The following EHMT1 variants were observed in gnomAD, a reference collection of about 807,000 sequenced individuals.
EHMT1 encodes the protein euchromatic histone lysine methyltransferase 1, also known as histone-lysine N-methyltransferase EHMT1.
Under a neutral mutation model 147.2 loss-of-function variants are expected in EHMT1, and 15 were observed. The observed-to-expected ratio is 0.10, with a 90% CI of 0.07 to 0.16. The LOEUF (loss-of-function observed/expected upper bound fraction) is 0.16. Ranked by LOEUF, EHMT1 falls within the 10% of genes least tolerant of loss-of-function variation. The pLI, the probability that EHMT1 is intolerant of heterozygous loss-of-function variation, is 1.00. For missense variants in EHMT1, 1,587 were observed against 1,772.4 expected (o/e 0.90, Z 1.88); for synonymous variants, 795 against 709.6 (o/e 1.12, Z -1.91).
Position 137,786,060 on chromosome 9 carries a change from C to G in EHMT1, c.2382+3663C>G, listed in dbSNP as rs1325491017. The G allele has an allele frequency of 6.6e-6, 1 of 152,466 alleles. No individual in the cohort carries two copies. The highest frequency in any genetic ancestry group is 1.9e-4 in the East Asian group (1 of 5,206). 9.4% of individuals were successfully genotyped at this position (152,466 alleles called of 1,614,324 possible). A position where few individuals can be genotyped will look rare whatever the true frequency, so the allele number is the denominator to read the frequency against. On this transcript the variant is annotated intron_variant, in intron 15 of 26. Coordinates refer to ENST00000460843, the MANE Select transcript of EHMT1 (RefSeq NM_024757.5). The surrounding 1 kb of genome is among the most constrained non-coding windows in gnomAD (Gnocchi z 4.3). ...GGGCTCCCTGCTGACTGCCTGTGCT[C>G]TGTGCTTGTCTGAAACGTCGTCTTT... is the stretch of plus-strand genomic sequence containing the variant.
chr9:137,635,105 G>A (rs1340975310), intron 1 of EHMT1, among the ~76,000 whole-genome samples: 1 of 151,844 alleles, frequency 6.6e-6, no homozygotes, highest in Non-Finnish European at 1.5e-5. Context: ...GGATTGTGTT[G>A]AATATGTAGA....
chr9:137,694,107 T>C (rs1943179670), intron 1 of EHMT1, among the ~76,000 whole-genome samples: 1 of 62,828 alleles, frequency 1.6e-5, no homozygotes, highest in Non-Finnish European at 2.9e-5. Flanking sequence ...CTCAGGACGC[T>C]GGCCGATACC....
At chr9:137,762,983 A>G (rs1949949603) in intron 10 of EHMT1, 163 bp downstream of exon 10, 3 of 854,726 alleles carry the variant, frequency 3.5e-6, no homozygotes, top group Non-Finnish European at 5.7e-6. Context: ...CAACAGTGAA[A>G]TCACGGCAGA....
intron 1 of EHMT1, among the ~76,000 whole-genome samples, chr9:137,698,980 G>A (rs1056198249): frequency 6.6e-6 from 1 of 152,122 alleles, no homozygotes; most frequent in African/African-American, 2.4e-5. Context: ...TGATGGGGCA[G>A]GAGGCCACGC....
chr9:137,719,220 T>C (rs1337873323), intron 3 of EHMT1, among the ~76,000 whole-genome samples: 1 of 152,184 alleles, frequency 6.6e-6, no homozygotes, highest in Non-Finnish European at 1.5e-5. Flanking sequence ...CTCTCAGATT[T>C]AGCTTTTTCC....
intron 18 of EHMT1, among the ~76,000 whole-genome samples, chr9:137,807,794 C>T (rs1424291260): frequency 6.6e-6 from 1 of 152,212 alleles, no homozygotes; most frequent in Non-Finnish European, 1.5e-5. Context: ...AAGTGTGAGC[C>T]ACCTCACCCA....
intron 25 of EHMT1, among the ~76,000 whole-genome samples, chr9:137,831,995 C>T (rs563558085): frequency 3.8e-4 from 57 of 151,166 alleles, no homozygotes; most frequent in African/African-American, 1.2e-3. Flanking sequence ...GCTCCCTCCA[C>T]AGGCTCCGCC....
chr9:137,776,455 CCTT>C lies in EHMT1; in HGVS notation c.1792-159_1792-157del, dbSNP rs1463248189. On this transcript the variant is annotated intron_variant, in intron 11 of 26. Coordinates refer to ENST00000460843, the MANE Select transcript of EHMT1 (RefSeq NM_024757.5). The surrounding 1 kb of genome is among the most constrained non-coding windows in gnomAD (Gnocchi z 4.4). ...GAGCACCACGGGAAGCATCGTTCCT[CCTT>C]CTTAACGATGCCTGGGGCCAAGACT... The C allele has an allele frequency of 4.5e-6, 3 of 662,178 alleles. No homozygotes were observed. Among genetic ancestry groups the C allele is most frequent in the East Asian group, 2.8e-5 (1 of 35,478 alleles). 41.0% of individuals were successfully genotyped at this position (662,178 alleles called of 1,614,324 possible).
intron 1 of EHMT1, among the ~76,000 whole-genome samples, chr9:137,656,846 T>G (rs1030508916): frequency 1.1e-4 from 16 of 152,178 alleles, no homozygotes; most frequent in African/African-American, 3.6e-4. Context: ...GTTCAAGCGA[T>G]TCTCCTGCCT....
intron 1 of EHMT1, among the ~76,000 whole-genome samples, chr9:137,701,217 G>A (rs960078245): frequency 1.4e-4 from 22 of 151,776 alleles, no homozygotes; most frequent in African/African-American, 5.1e-4. Context: ...GGGACACAGA[G>A]CAAACCATAT....
intron 1 of EHMT1, among the ~76,000 whole-genome samples, chr9:137,710,474 C>T (rs1032509201): frequency 3.3e-5 from 5 of 152,002 alleles, no homozygotes; most frequent in Non-Finnish European, 4.4e-5. Context: ...TCTGTCTCAA[C>T]AAAAAAATTG....
At chr9:137,624,324 TTG>T (rs1843121854) in intron 1 of EHMT1, among the ~76,000 whole-genome samples, 1 of 151,090 alleles carries the variant, frequency 6.6e-6, no homozygotes. Context: ...TTTTTTTTTT[TTG>T]AGACATGGTT....
At chr9:137,751,403 G>A (rs923879336) in intron 6 of EHMT1, among the ~76,000 whole-genome samples, 4 of 152,146 alleles carry the variant, frequency 2.6e-5, no homozygotes, top group African/African-American at 7.2e-5. Flanking sequence ...CAGTCCACTC[G>A]CCTAGGCCTC....
chr9:137,635,646 C>T (rs1320200395), intron 1 of EHMT1, among the ~76,000 whole-genome samples: 2 of 151,158 alleles, frequency 1.3e-5, no homozygotes, highest in Admixed American at 6.6e-5. Flanking sequence ...TGGTGAAACC[C>T]CGTCTCTACT....
chr9:137,647,200 G>A (rs1288245912), intron 1 of EHMT1, among the ~76,000 whole-genome samples: 4 of 152,000 alleles, frequency 2.6e-5, no homozygotes, highest in African/African-American at 9.7e-5. Context: ...GCTGGTCCTC[G>A]TGTTGTGTGT....
At position 137,782,915 on chromosome 9, in the gene EHMT1, G is replaced by A. The variant is rs1336464916; in HGVS notation, c.2382+518G>A. Among the ~76,000 whole-genome samples, 1 of 151,606 alleles carries A rather than the reference G, an allele frequency of 6.6e-6. No individual in the cohort carries two copies. The highest frequency in any genetic ancestry group is 1.5e-5 in the Non-Finnish European group (1 of 67,872). ...CTGAACGCTGCCCGCTTGTCTCTGG[G>A]TTCAGACACACGACGCTGTTTGTCC... On this transcript the variant is annotated intron_variant, in intron 15 of 26. Transcript: ENST00000460843. The surrounding 1 kb of genome is among the most constrained non-coding windows in gnomAD (Gnocchi z 5.7).
chr9:137,761,300 A>G (rs1949792858), intron 9 of EHMT1, among the ~76,000 whole-genome samples: 3 of 152,198 alleles, frequency 2.0e-5, no homozygotes, highest in African/African-American at 2.4e-5. Context: ...TACTATAGGC[A>G]TTTGCCAAAA....
At chr9:137,825,911 C>T (rs1216773172) in intron 25 of EHMT1, among the ~76,000 whole-genome samples, 6 of 152,052 alleles carry the variant, frequency 3.9e-5, no homozygotes, top group Admixed American at 1.3e-4. Context: ...GTGCAGGCGT[C>T]GGGATGCTTT....
intron 1 of EHMT1, among the ~76,000 whole-genome samples, chr9:137,691,333 T>TG (rs1942913923): frequency 6.8e-6 from 1 of 147,556 alleles, no homozygotes. Context: ...ATAAAATATA[T>TG]TTTTTTTTCT....
Sources: allele counts gnomAD v4.1 joint callset (sites outside exome capture counted in the v4.1 genomes callset), GRCh38; gene constraint gnomAD v4.1.1; non-coding constraint Gnocchi (gnomAD v3.1); transcripts MANE v1.5; gene names NCBI Gene and HGNC (gene_info 2026-07-23, HGNC 2026-07-21).